Variants in DDX10 observed in about 807,000 individuals in gnomAD.
DDX10 encodes DEAD-box helicase 10, also known as probable ATP-dependent RNA helicase DDX10.
DDX10 carries 74 observed loss-of-function variants against 104.3 expected under a neutral mutation model. The observed-to-expected ratio is 0.71, with a 90% CI of 0.59 to 0.86. The LOEUF (loss-of-function observed/expected upper bound fraction) is 0.86. DDX10 is among the 40% of genes least tolerant of loss of function. The probability of loss-of-function intolerance (pLI) is 0.00; values close to 1 mark genes in which losing one functional copy is unlikely to be tolerated. For missense variants in DDX10, 952 were observed against 1,040.0 expected (o/e 0.92, Z 1.16); for synonymous variants, 351 against 353.4 (o/e 0.99, Z 0.08).
At chr11:108,728,671 T>C (rs939601487) in intron 13 of DDX10, among the ~76,000 whole-genome samples, 3 of 151,978 alleles carry the variant, frequency 2.0e-5, no homozygotes, top group Admixed American at 6.6e-5. Flanking sequence ...TATGCTACCA[T>C]GCCTGGGTAA....
At chr11:108,869,049 G>A (rs2726913) in intron 16 of DDX10, among the ~76,000 whole-genome samples, 113,434 of 150,546 alleles carry the variant, frequency 0.75, 43,052 homozygotes, top group Admixed American at 0.8. Context: ...AGTCTGGGCA[G>A]GAAATAATGA....
intron 16 of DDX10, among the ~76,000 whole-genome samples, chr11:108,877,448 G>A (rs1026718611): frequency 2.0e-5 from 3 of 152,132 alleles, no homozygotes; most frequent in African/African-American, 7.2e-5. Context: ...TTCCAGAAGT[G>A]TTATATCCAA....
intron 13 of DDX10, among the ~76,000 whole-genome samples, chr11:108,762,248 A>C (rs1258943689): frequency 6.6e-6 from 1 of 152,204 alleles, no homozygotes; most frequent in African/African-American, 2.4e-5. Context: ...AGAAATAGAT[A>C]AGCGGCCCCT....
chr11:108,906,991 T>C (rs1863604740), intron 16 of DDX10, among the ~76,000 whole-genome samples: 1 of 152,220 alleles, frequency 6.6e-6, no homozygotes, highest in Admixed American at 6.5e-5. Flanking sequence ...ACCCAGGAAG[T>C]GTGCAGTAAA....
chr11:108,852,009 T>C (rs1340009108), intron 15 of DDX10, 144 bp from the exon 16 acceptor site: 1 of 635,150 alleles, frequency 1.6e-6, no homozygotes, highest in Non-Finnish European at 2.7e-6. Context: ...CTTGTGCCAA[T>C]CCCATAGTAG....
At chr11:108,751,650 A>G (rs1429669158) in intron 13 of DDX10, among the ~76,000 whole-genome samples, 1 of 152,188 alleles carries the variant, frequency 6.6e-6, no homozygotes, top group Non-Finnish European at 1.5e-5. Flanking sequence ...AGTGAAAGAG[A>G]GTGAGTTAGG....
At chr11:108,823,995 A>G (rs1314905877) in intron 13 of DDX10, among the ~76,000 whole-genome samples, 6 of 150,942 alleles carry the variant, frequency 4.0e-5, no homozygotes, top group Admixed American at 3.3e-4. Context: ...CTCCCCTAAG[A>G]GAAGTATATC....
At chr11:108,885,357 C>CTT (rs5794610) in intron 16 of DDX10, among the ~76,000 whole-genome samples, 2 of 103,152 alleles carry the variant, frequency 1.9e-5, no homozygotes, top group Non-Finnish European at 2.0e-5. Context: ...TTCATTGTCA[C>CTT]TTTTTTTTTT....
At chr11:108,770,624 T>C (rs764595747) in intron 13 of DDX10, among the ~76,000 whole-genome samples, 4 of 152,068 alleles carry the variant, frequency 2.6e-5, no homozygotes, top group Non-Finnish European at 5.9e-5. Context: ...AATGTTTGTC[T>C]TTCTGTGCCT....
At chr11:108,732,526 A>G (rs549240172) in intron 13 of DDX10, among the ~76,000 whole-genome samples, 1 of 152,302 alleles carries the variant, frequency 6.6e-6, no homozygotes, top group Admixed American at 6.5e-5. Context: ...TGGAGACGAG[A>G]GGTACTGAGT....
chr11:108,830,631 CAG>C (rs1001735690), intron 13 of DDX10, among the ~76,000 whole-genome samples: 21 of 152,168 alleles, frequency 1.4e-4, no homozygotes, highest in South Asian at 4.1e-4. Context: ...TTCCAGTTCT[CAG>C]GGGGGGAATG....
At chr11:108,791,549 T>C (rs1025978600) in intron 13 of DDX10, among the ~76,000 whole-genome samples, 2 of 152,256 alleles carry the variant, frequency 1.3e-5, no homozygotes, top group African/African-American at 4.8e-5. Flanking sequence ...TTTTTCATAC[T>C]GCCACATTTA....
intron 13 of DDX10, among the ~76,000 whole-genome samples, chr11:108,755,809 C>G (rs2134509624): frequency 6.6e-6 from 1 of 152,064 alleles, no homozygotes; most frequent in African/African-American, 2.4e-5. Flanking sequence ...TTTAGTTTTC[C>G]TCTTCTGGAA....
rs377212478 is a variant in DDX10 at position 108,693,624 on chromosome 11, T to C, written c.1223+24T>C. 47 of 1,531,356 alleles carry C rather than the reference T, an allele frequency of 3.1e-5. No homozygotes were observed. In the African/African-American group the frequency reaches 4.6e-4, roughly 15 times the overall value. The allele number at this position is 1,531,356 out of a possible 1,614,324, so 94.9% of individuals were successfully genotyped here. ...AGGTAGGTGTACTGACTAATTTCTTTTCTTTTGCTACTATCTAAATAACAA... is the reference window on the plus strand; with the variant it reads ...AGGTAGGTGTACTGACTAATTTCTTCTCTTTTGCTACTATCTAAATAACAA... On this transcript the variant is annotated intron_variant, in intron 9 of 17. Coordinates refer to ENST00000322536, the MANE Select transcript of DDX10 (RefSeq NM_004398.4).
chr11:108,838,658 A>T, intron 14 of DDX10, 93 bp downstream of exon 14: 1 of 1,387,752 alleles, frequency 7.2e-7, no homozygotes, highest in Non-Finnish European at 9.7e-7. Context: ...ATGATAGAGT[A>T]AATGTTTCTC....
Position 108,938,002 on chromosome 11 carries a change from G to A in DDX10, c.2451-2244G>A, listed in dbSNP as rs539888423. On this transcript the variant is annotated intron_variant, in intron 17 of 17. Transcript: ENST00000322536. ...AAATGCAGAGCTCAGGCTTGGACTCGCCCCAATTTTGAAGGAACCCCCTCA... is the reference window on the plus strand; with the variant it reads ...AAATGCAGAGCTCAGGCTTGGACTCACCCCAATTTTGAAGGAACCCCCTCA... 5.3e-5 allele frequency among the ~76,000 whole-genome samples: 8 copies of A among 152,252 alleles called. No individual in the cohort carries two copies. In the South Asian group the frequency reaches 8.3e-4, roughly 16 times the overall value.
chr11:108,908,291 CA>C (rs1481200335), intron 16 of DDX10, among the ~76,000 whole-genome samples: 15 of 152,082 alleles, frequency 9.9e-5, no homozygotes, highest in Non-Finnish European at 1.9e-4. Flanking sequence ...TTAGTGGAAA[CA>C]AAATGTGTTT....
intron 9 of DDX10, among the ~76,000 whole-genome samples, 189 bp downstream of exon 9, chr11:108,693,789 A>G (rs1440573858): frequency 6.6e-6 from 1 of 152,194 alleles, no homozygotes; most frequent in African/African-American, 2.4e-5. Flanking sequence ...AATCCATAAA[A>G]ATCTTATTTT....
chr11:108,938,838 A>G (rs1014952860), intron 17 of DDX10, among the ~76,000 whole-genome samples: 1 of 152,138 alleles, frequency 6.6e-6, no homozygotes, highest in African/African-American at 2.4e-5. Context: ...TCATAAATGG[A>G]TATGCTGATG....
Sources: allele counts gnomAD v4.1 joint callset (sites outside exome capture counted in the v4.1 genomes callset), GRCh38; gene constraint gnomAD v4.1.1; transcripts MANE v1.5; gene names NCBI Gene and HGNC (gene_info 2026-07-23, HGNC 2026-07-21).